ROBO2: variants seen among roughly 807,000 people sequenced by gnomAD.
ROBO2 encodes the protein roundabout guidance receptor 2, also known as roundabout homolog 2.
ROBO2 carries 53 observed loss-of-function variants against 160.8 expected under a neutral mutation model. The ratio of observed to expected loss-of-function variants is 0.33; its 90% CI spans 0.26 to 0.41. The LOEUF is 0.41. Ranked by LOEUF, ROBO2 falls within the 10% of genes least tolerant of loss-of-function variation. The pLI is 1.00. For missense variants in ROBO2, 1,577 were observed against 1,722.4 expected (o/e 0.92, Z 1.49); for synonymous variants, 664 against 611.7 (o/e 1.09, Z -1.26).
At chr3:75,930,319 A>AGCT (rs1947481480) in intron 1 of ROBO2, among the ~76,000 whole-genome samples, 2 of 152,084 alleles carry the variant, frequency 1.3e-5, no homozygotes, top group African/African-American at 4.8e-5. Context: ...CTTGGGACAC[A>AGCT]GCTGCTGCTG....
intron 2 of ROBO2, among the ~76,000 whole-genome samples, chr3:77,293,149 G>T (rs1330400951): frequency 4.6e-5 from 7 of 151,144 alleles, no homozygotes; most frequent in Non-Finnish European, 1.0e-4. Flanking sequence ...TAAAATTGAT[G>T]GTTAAATGGG....
At chr3:77,162,147 A>G (rs76780104) in intron 2 of ROBO2, among the ~76,000 whole-genome samples, 2 of 152,106 alleles carry the variant, frequency 1.3e-5, no homozygotes, top group African/African-American at 4.8e-5. Flanking sequence ...TAAAAAAAAA[A>G]TAGGGCATAT....
chr3:76,117,021 A>T (rs1293402431), intron 2 of ROBO2, among the ~76,000 whole-genome samples: 1 of 152,206 alleles, frequency 6.6e-6, no homozygotes, highest in African/African-American at 2.4e-5. Context: ...TCACTTTAAA[A>T]TGTTGCTTTC....
chr3:76,190,456 A>G (rs1701955855), intron 2 of ROBO2, among the ~76,000 whole-genome samples: 1 of 152,134 alleles, frequency 6.6e-6, no homozygotes, highest in South Asian at 2.1e-4. Context: ...GTCAGATTTT[A>G]TAAGCATTTT....
At chr3:77,207,226 A>T (rs555136563) in intron 2 of ROBO2, among the ~76,000 whole-genome samples, 3 of 152,260 alleles carry the variant, frequency 2.0e-5, no homozygotes, top group Non-Finnish European at 4.4e-5. Context: ...AAGAGATCTA[A>T]AATTTTGAAG....
intron 5 of ROBO2, among the ~76,000 whole-genome samples, chr3:77,506,626 G>A (rs1044403739): frequency 1.1e-4 from 16 of 151,900 alleles, no homozygotes; most frequent in African/African-American, 3.9e-4. Flanking sequence ...CCAAGAATGC[G>A]GCTAAACGTC....
intron 2 of ROBO2, among the ~76,000 whole-genome samples, chr3:76,237,381 A>G (rs898339425): frequency 6.6e-6 from 1 of 152,202 alleles, no homozygotes; most frequent in Admixed American, 6.5e-5. Context: ...ATCATTAAAT[A>G]GAAACTAAAC....
At chr3:76,850,763 A>C (rs1354853033) in intron 2 of ROBO2, among the ~76,000 whole-genome samples, 2 of 152,090 alleles carry the variant, frequency 1.3e-5, no homozygotes, top group Non-Finnish European at 2.9e-5. Context: ...TTAATAAGAG[A>C]ATAGCAAGCA....
At chr3:77,267,502 G>A (rs532487036) in intron 2 of ROBO2, among the ~76,000 whole-genome samples, 3 of 152,238 alleles carry the variant, frequency 2.0e-5, no homozygotes, top group South Asian at 2.1e-4. Flanking sequence ...CACCACCCTG[G>A]ACAAGACAAA....
chr3:77,101,717 C>G lies in ROBO2; in HGVS notation c.388+3377C>G, dbSNP rs185343155. 3.0e-4 allele frequency among the ~76,000 whole-genome samples: 45 copies of G among 152,042 alleles called. 1 individual carries two copies. In the East Asian group the frequency reaches 8.2e-3, roughly 28 times the overall value. On this transcript the variant is annotated intron_variant, in intron 2 of 25. Coordinates refer to ENST00000461745, the Ensembl canonical transcript of ROBO2. ...TGATAGAATATGGGCAGTGAAGTGG[C>G]AAGAATAATCAAGGAATACATTAAA...
intron 2 of ROBO2, among the ~76,000 whole-genome samples, chr3:77,238,422 A>AG (rs1420113303): frequency 6.6e-6 from 1 of 152,162 alleles, no homozygotes; most frequent in Non-Finnish European, 1.5e-5. Context: ...ATCTGGTGTT[A>AG]GCATTCCATG....
intron 1 of ROBO2, among the ~76,000 whole-genome samples, chr3:77,069,388 G>A (rs987059405): frequency 6.6e-6 from 1 of 152,172 alleles, no homozygotes; most frequent in Non-Finnish European, 1.5e-5. Flanking sequence ...TCATAATCAT[G>A]TGGGAGAATG....
In ROBO2 at chr3:76,480,083, G is replaced by A. The variant is rs528045882; in HGVS notation, c.109+542481G>A. ...CTGAAAAAGAGGAAAAGAGGGGAAA[G>A]TGAAGGAGGAGGCAATGAGGTATCA... is the stretch of plus-strand genomic sequence containing the variant. On this transcript the variant is annotated intron_variant, in intron 2 of 26. Transcript: ENST00000487694. 1.5e-3 allele frequency among the ~76,000 whole-genome samples: 228 copies of A among 152,168 alleles called. No homozygotes were observed. The Middle Eastern group carries it at 0.017, about 11-fold the overall frequency.
intron 2 of ROBO2, among the ~76,000 whole-genome samples, chr3:76,988,633 C>T (rs1230510736): frequency 6.6e-6 from 1 of 152,036 alleles, no homozygotes; most frequent in African/African-American, 2.4e-5. Context: ...TTTATTTCCA[C>T]TTCAATTTGC....
chr3:77,071,997 G>T (rs2067470721), intron 1 of ROBO2, among the ~76,000 whole-genome samples: 1 of 152,164 alleles, frequency 6.6e-6, no homozygotes. Flanking sequence ...ACAGCAGGAT[G>T]TGAGCGGTGG....
chr3:75,915,056 C>T (rs1396738236), intron 1 of ROBO2, among the ~76,000 whole-genome samples: 3 of 152,146 alleles, frequency 2.0e-5, no homozygotes, highest in Non-Finnish European at 2.9e-5. Context: ...TTTCTCTTGT[C>T]GCTTGTGCAA....
chr3:77,431,509 G>C (rs555119032), intron 2 of ROBO2, among the ~76,000 whole-genome samples: 1 of 152,212 alleles, frequency 6.6e-6, no homozygotes, highest in East Asian at 1.9e-4. Flanking sequence ...ATTAAATTAA[G>C]CCTCTCTTTT....
intron 2 of ROBO2, among the ~76,000 whole-genome samples, chr3:76,393,816 T>C (rs950846918): frequency 6.6e-6 from 1 of 152,204 alleles, no homozygotes. Context: ...TACAGCATTA[T>C]TCTTTTTCAT....
intron 2 of ROBO2, among the ~76,000 whole-genome samples, chr3:76,499,806 C>G (rs868383473): frequency 3.9e-5 from 6 of 151,976 alleles, no homozygotes; most frequent in African/African-American, 1.4e-4. Context: ...AAAAATCCCC[C>G]TAAAGATCTA....
Sources: gnomAD v4.1 joint callset for allele counts (sites outside exome capture counted in the v4.1 genomes callset) on GRCh38, gnomAD v4.1.1 for gene constraint, MANE v1.5 for transcripts, NCBI Gene and HGNC (gene_info 2026-07-23, HGNC 2026-07-21) for gene names.